CRYBG1: variants seen among roughly 807,000 people sequenced by gnomAD.
CRYBG1 encodes beta/gamma crystallin domain-containing protein 1.
In CRYBG1, 139 loss-of-function variants were observed where a neutral mutation model predicts 189.2. The ratio of observed to expected loss-of-function variants is 0.73; its 90% confidence interval spans 0.64 to 0.85. The LOEUF is 0.85. CRYBG1 is among the 40% of genes least tolerant of loss of function. The pLI, the probability that CRYBG1 is intolerant of heterozygous loss-of-function variation, is 0.00. For missense variants in CRYBG1, 2,611 were observed against 2,675.8 expected, an observed-to-expected ratio of 0.98 and a Z score of 0.53; for synonymous variants, 1,023 against 1,017.1, an observed-to-expected ratio of 1.01 and a Z score of -0.11.
chr6:106,422,022 C>A (rs985562811), intron 1 of CRYBG1, among the ~76,000 whole-genome samples: 1 of 152,202 alleles, frequency 6.6e-6, no homozygotes, highest in African/African-American at 2.4e-5. Context: ...GTCCCTCCCA[C>A]AACACATGGG....
intron 13 of CRYBG1, among the ~76,000 whole-genome samples, chr6:106,546,997 A>G (rs1582831388): frequency 6.6e-6 from 1 of 152,306 alleles, no homozygotes; most frequent in East Asian, 1.9e-4. Flanking sequence ...GCCTTGAGCC[A>G]ATCTCCTTTC....
chr6:106,361,535 C>A (rs1168923383), intron 1 of CRYBG1, among the ~76,000 whole-genome samples: 2 of 152,186 alleles, frequency 1.3e-5, no homozygotes, highest in Non-Finnish European at 2.9e-5. Flanking sequence ...TACCCCCATT[C>A]TCCTCGCAAC....
chr6:106,418,547 G>A (rs940598165), intron 1 of CRYBG1, among the ~76,000 whole-genome samples: 2 of 152,136 alleles, frequency 1.3e-5, no homozygotes, highest in African/African-American at 4.8e-5. Context: ...CTCCACTATT[G>A]TTTTAGCCTG....
chr6:106,545,921 C>T (rs1774258170), intron 13 of CRYBG1, among the ~76,000 whole-genome samples: 1 of 152,194 alleles, frequency 6.6e-6, no homozygotes, highest in African/African-American at 2.4e-5. Flanking sequence ...CTCAGGTGAT[C>T]CACCCGCCTT....
chr6:106,392,141 G>A (rs954707114), intron 1 of CRYBG1, among the ~76,000 whole-genome samples: 1 of 152,096 alleles, frequency 6.6e-6, no homozygotes, highest in Non-Finnish European at 1.5e-5. Context: ...GCGAATCTGT[G>A]TGGCTGTGGG....
intron 2 of CRYBG1, among the ~76,000 whole-genome samples, chr6:106,462,133 T>TC (rs1421395990): frequency 1.3e-5 from 2 of 151,788 alleles, no homozygotes; most frequent in African/African-American, 2.4e-5. Context: ...TTCTTTTTTT[T>TC]CTGAAGTTTT....
At chr6:106,397,614 C>T (rs186504621) in intron 1 of CRYBG1, among the ~76,000 whole-genome samples, 1 of 152,140 alleles carries the variant, frequency 6.6e-6, no homozygotes, top group African/African-American at 2.4e-5. Flanking sequence ...GACCAAGGAA[C>T]ACAGAGTTCA....
At chr6:106,564,349 C>T (rs1311873708) in intron 21 of CRYBG1, among the ~76,000 whole-genome samples, 1 of 152,158 alleles carries the variant, frequency 6.6e-6, no homozygotes, top group African/African-American at 2.4e-5. Context: ...GCACTTAGTT[C>T]GGTAGAGTTG....
chr6:106,412,598 G>C (rs1441715241), intron 1 of CRYBG1, among the ~76,000 whole-genome samples: 1 of 152,140 alleles, frequency 6.6e-6, no homozygotes, highest in East Asian at 1.9e-4. Flanking sequence ...TTGTTGCCAG[G>C]TTATGATGTC....
chr6:106,399,626 T>G (rs1232259881), intron 1 of CRYBG1, among the ~76,000 whole-genome samples: 1 of 151,672 alleles, frequency 6.6e-6, no homozygotes. Flanking sequence ...AGTCTGGGTT[T>G]TCCGATCGGT....
At chr6:106,423,758 T>C (rs1484375700) in intron 1 of CRYBG1, among the ~76,000 whole-genome samples, 1 of 124,828 alleles carries the variant, frequency 8.0e-6, no homozygotes. Context: ...AAAGCTAGAG[T>C]GCAATGGTGT....
intron 1 of CRYBG1, among the ~76,000 whole-genome samples, chr6:106,439,839 A>C (rs1771535669): frequency 6.6e-6 from 1 of 152,188 alleles, no homozygotes; most frequent in East Asian, 1.9e-4. Flanking sequence ...AAATTGAGAA[A>C]CTGATATATG....
At chr6:106,531,259 A>G (rs933582374) in intron 8 of CRYBG1, among the ~76,000 whole-genome samples, 6 of 152,240 alleles carry the variant, frequency 3.9e-5, no homozygotes, top group African/African-American at 1.4e-4. Flanking sequence ...AATAGGATAA[A>G]TTACAGATCA....
At chr6:106,402,643 C>T (rs1004596087) in intron 1 of CRYBG1, among the ~76,000 whole-genome samples, 1 of 150,442 alleles carries the variant, frequency 6.6e-6, no homozygotes, top group South Asian at 2.1e-4. Flanking sequence ...ATACAAAAAT[C>T]AATTCAAGAT....
chr6:106,435,777 T>A (rs1198268520), intron 1 of CRYBG1, among the ~76,000 whole-genome samples: 1 of 152,060 alleles, frequency 6.6e-6, no homozygotes, highest in Non-Finnish European at 1.5e-5. Flanking sequence ...GGTTTCACTA[T>A]GTTGGTCAGG....
intron 13 of CRYBG1, among the ~76,000 whole-genome samples, chr6:106,548,716 T>C (rs1006608030): frequency 2.0e-5 from 3 of 152,140 alleles, no homozygotes; most frequent in Admixed American, 6.6e-5. Flanking sequence ...AGTCCTAGTG[T>C]TTGTAACGTA....
chr6:106,514,300 T>A (rs963322554), intron 3 of CRYBG1, among the ~76,000 whole-genome samples: 5 of 152,228 alleles, frequency 3.3e-5, no homozygotes, highest in Non-Finnish European at 7.3e-5. Flanking sequence ...TCCATTCACA[T>A]ATTTGTTCAA....
intron 1 of CRYBG1, among the ~76,000 whole-genome samples, chr6:106,406,366 G>C (rs1249763183): frequency 6.6e-6 from 1 of 152,138 alleles, no homozygotes; most frequent in Non-Finnish European, 1.5e-5. Flanking sequence ...CCTACAAGAA[G>C]TATGGGCCTA....
chr6:106,550,723 T>C (rs1774378527), intron 13 of CRYBG1, among the ~76,000 whole-genome samples: 1 of 152,212 alleles, frequency 6.6e-6, no homozygotes, highest in Non-Finnish European at 1.5e-5. Context: ...TGGTTTGTTG[T>C]GTAATAGACA....
Sources: allele counts gnomAD v4.1 joint callset (sites outside exome capture counted in the v4.1 genomes callset), GRCh38; gene constraint gnomAD v4.1.1; transcripts MANE v1.5; gene names NCBI Gene and HGNC (gene_info 2026-07-23, HGNC 2026-07-21).